Variants in GRIK1 observed in about 807,000 individuals in gnomAD.
GRIK1 encodes the protein glutamate ionotropic receptor kainate type subunit 1.
GRIK1 carries 69 observed loss-of-function variants against 105.7 expected under a neutral mutation model. The ratio of observed to expected loss-of-function variants is 0.65; its 90% CI spans 0.54 to 0.80. The LOEUF (loss-of-function observed/expected upper bound fraction) is 0.80, where lower values mean the gene tolerates loss of function less well. Among genes scored for constraint, GRIK1 ranks in the 30% least tolerant of loss-of-function variants. GRIK1 has a pLI of 0.00. For missense variants in GRIK1, 1,109 were observed against 1,167.3 expected, an observed-to-expected ratio of 0.95 and a Z score of 0.73; for synonymous variants, 438 against 431.3, an observed-to-expected ratio of 1.02 and a Z score of -0.19.
intron 1 of GRIK1, among the ~76,000 whole-genome samples, chr21:29,853,096 A>G (rs1460010054): frequency 1.3e-5 from 2 of 152,234 alleles, no homozygotes; most frequent in Non-Finnish European, 2.9e-5. Context: ...GAACAATTTA[A>G]GTAAACCACT....
chr21:29,639,750 A>G (rs1466860724), intron 7 of GRIK1, among the ~76,000 whole-genome samples: 1 of 152,228 alleles, frequency 6.6e-6, no homozygotes, highest in African/African-American at 2.4e-5. Context: ...CAAGGGTGTT[A>G]TCCCTTAAGA....
chr21:29,831,178 C>A (rs1224937531), intron 1 of GRIK1, among the ~76,000 whole-genome samples: 1 of 152,022 alleles, frequency 6.6e-6, no homozygotes, highest in African/African-American at 2.4e-5. Context: ...ATGTTTGTGC[C>A]CAACCTTCAT....
At chr21:29,767,516 A>G (rs1006499213) in intron 1 of GRIK1, among the ~76,000 whole-genome samples, 5 of 140,054 alleles carry the variant, frequency 3.6e-5, no homozygotes, top group African/African-American at 1.1e-4. Flanking sequence ...AGAAAGATGG[A>G]AAAAAAAAAA....
chr21:29,695,511 G>A (rs1301061247), intron 1 of GRIK1, among the ~76,000 whole-genome samples: 1 of 151,284 alleles, frequency 6.6e-6, no homozygotes, highest in African/African-American at 2.4e-5. Context: ...GTCTTGCTCT[G>A]TTGCCCAGGC....
chr21:29,897,411 G>C (rs1488357216), intron 1 of GRIK1, among the ~76,000 whole-genome samples: 2 of 152,128 alleles, frequency 1.3e-5, no homozygotes, highest in Non-Finnish European at 2.9e-5. Flanking sequence ...ATATAACTAA[G>C]GGGAATTGGA....
chr21:29,939,693 CG>C lies in GRIK1; in HGVS notation c.-194del. On this transcript the variant is annotated 5_prime_UTR_variant, in exon 1 of 18. Coordinates refer to ENST00000327783, the MANE Select transcript of GRIK1 (RefSeq NM_001330994.2). ...GCTGGCTGGCAAGGCTGAGCTCTCT[CG>C]GGGCTCCTCAGTGCTGTCGCTAGCC... 12 of 508,998 alleles carry C rather than the reference CG, an allele frequency of 2.4e-5. No individual in the cohort carries two copies. The highest frequency in any genetic ancestry group is 3.1e-5 in the Non-Finnish European group (9 of 290,694). The allele number at this position is 508,998 out of a possible 1,614,324, so 31.5% of individuals were successfully genotyped here. A position where few individuals can be genotyped will look rare whatever the true frequency, so the allele number is the denominator to read the frequency against.
intron 9 of GRIK1, among the ~76,000 whole-genome samples, chr21:29,595,195 G>T (rs2061388157): frequency 6.6e-6 from 1 of 152,124 alleles, no homozygotes; most frequent in African/African-American, 2.4e-5. Context: ...CCTCGGGAGT[G>T]TGTGTGGCTC....
chr21:29,790,317 G>A (rs969355161), intron 1 of GRIK1, among the ~76,000 whole-genome samples: 13 of 152,148 alleles, frequency 8.5e-5, no homozygotes, highest in African/African-American at 2.9e-4. Context: ...AAAGTGCTGG[G>A]ATTACAAGTG....
At chr21:29,694,671 A>C (rs2063660748) in intron 1 of GRIK1, among the ~76,000 whole-genome samples, 1 of 152,194 alleles carries the variant, frequency 6.6e-6, no homozygotes, top group African/African-American at 2.4e-5. Context: ...ATGGCAGAGG[A>C]CGATTTTCTG....
chr21:29,628,777 C>A lies in GRIK1; in HGVS notation c.1098+14049G>T, dbSNP rs577260280. Among the ~76,000 whole-genome samples the A allele has an allele frequency of 2.0e-5, 3 of 152,276 alleles. No homozygotes were observed. The South Asian group carries it at 6.2e-4, about 32-fold the overall frequency. On this transcript the variant is annotated intron_variant, in intron 7 of 17. Coordinates refer to ENST00000327783, the MANE Select transcript of GRIK1 (RefSeq NM_001330994.2). ...AATAAAACCCAAAAATCAGATTAGT[C>A]AGTCTCAAATTACTCAAATTACTTT...
chr21:29,799,225 A>G (rs1358747321), intron 1 of GRIK1, among the ~76,000 whole-genome samples: 2 of 152,332 alleles, frequency 1.3e-5, no homozygotes, highest in South Asian at 4.1e-4. Context: ...TGTCTTGCTT[A>G]ATTTTATAAT....
intron 1 of GRIK1, among the ~76,000 whole-genome samples, chr21:29,939,052 A>G (rs1326306444): frequency 6.6e-6 from 1 of 152,020 alleles, no homozygotes; most frequent in Admixed American, 6.5e-5. Flanking sequence ...TTCTGCGCCC[A>G]ACTCAAGTGG....
At chr21:29,601,289 G>T in intron 7 of GRIK1, 1 of 483,494 alleles carries the variant, frequency 2.1e-6, no homozygotes, top group Non-Finnish European at 4.3e-6. Flanking sequence ...GATGCTCTTC[G>T]TTCTCAGGCC....
intron 1 of GRIK1, among the ~76,000 whole-genome samples, chr21:29,818,124 C>A (rs187702609): frequency 6.6e-6 from 1 of 152,012 alleles, no homozygotes; most frequent in Admixed American, 6.6e-5. Context: ...TAGGGAAAAC[C>A]CTATGTTGAC....
At chr21:29,817,909 C>A (rs1290088818) in intron 1 of GRIK1, among the ~76,000 whole-genome samples, 6 of 152,096 alleles carry the variant, frequency 3.9e-5, no homozygotes, top group Admixed American at 3.3e-4. Flanking sequence ...ACGCATTAAA[C>A]ATACTCCCTC....
chr21:29,877,358 A>G (rs1569182745), intron 1 of GRIK1, among the ~76,000 whole-genome samples: 2 of 152,144 alleles, frequency 1.3e-5, no homozygotes, highest in Non-Finnish European at 2.9e-5. Context: ...AAATGTTTCA[A>G]AGTATTTTCT....
chr21:29,673,830 C>G (rs2063205791), intron 3 of GRIK1, among the ~76,000 whole-genome samples: 1 of 151,884 alleles, frequency 6.6e-6, no homozygotes, highest in Non-Finnish European at 1.5e-5. Flanking sequence ...AAAAAAATTC[C>G]CTATTGGTTA....
chr21:29,900,512 A>G (rs2070360408), intron 1 of GRIK1, among the ~76,000 whole-genome samples: 1 of 150,916 alleles, frequency 6.6e-6, no homozygotes, highest in Non-Finnish European at 1.5e-5. Flanking sequence ...CTGATAAAAC[A>G]GACTCTAAAC....
At chr21:29,879,785 C>T (rs2069332998) in intron 1 of GRIK1, among the ~76,000 whole-genome samples, 1 of 151,992 alleles carries the variant, frequency 6.6e-6, no homozygotes, top group Non-Finnish European at 1.5e-5. Context: ...AGCAATTTTG[C>T]AACTGTCTTC....
Sources: allele counts gnomAD v4.1 joint callset (sites outside exome capture counted in the v4.1 genomes callset), GRCh38; gene constraint gnomAD v4.1.1; transcripts MANE v1.5; gene names NCBI Gene and HGNC (gene_info 2026-07-23, HGNC 2026-07-21).